SNTG1: variants seen among roughly 807,000 people sequenced by gnomAD.
SNTG1 encodes gamma-1-syntrophin.
A neutral mutation model predicts 74.7 loss-of-function variants in SNTG1; 39 were observed. The observed-to-expected ratio is 0.52, with a 90% confidence interval of 0.40 to 0.68. SNTG1 has a LOEUF of 0.68. Among genes scored for constraint, SNTG1 ranks in the 30% least tolerant of loss-of-function variants. The pLI, the probability that SNTG1 is intolerant of heterozygous loss-of-function variation, is 0.00. For missense variants in SNTG1, 685 were observed against 609.5 expected, an observed-to-expected ratio of 1.12 and a Z score of -1.30; for synonymous variants, 254 against 217.1, an observed-to-expected ratio of 1.17 and a Z score of -1.49.
chr8:50,726,874 A>AAAAT lies in SNTG1; in HGVS notation c.1284+17912_1284+17915dup, dbSNP rs546885118. Among the ~76,000 whole-genome samples, 164 of 152,176 alleles carry AAAAT rather than the reference A, an allele frequency of 1.1e-3. 1 individual carries two copies. The highest frequency in any genetic ancestry group is 6.8e-3 in the Middle Eastern group (2 of 292). On this transcript the variant is annotated intron_variant, in intron 17 of 18. Coordinates refer to ENST00000642720, the MANE Select transcript of SNTG1 (RefSeq NM_018967.5). ...AAAAAACAATAAAATAAAGTAAAATAAAATAAATAAATAAATAAAATTGAG... is the reference window on the plus strand; with the variant it reads ...AAAAAACAATAAAATAAAGTAAAATAAAATAAATAAATAAATAAATAAAATTGAG...
intron 1 of SNTG1, among the ~76,000 whole-genome samples, chr8:50,001,650 G>C (rs1043138477): frequency 6.6e-6 from 1 of 152,130 alleles, no homozygotes; most frequent in Non-Finnish European, 1.5e-5. Context: ...AAAGCATTAA[G>C]TTATCTTGCA....
chr8:50,374,714 A>G (rs1208554665), intron 2 of SNTG1, among the ~76,000 whole-genome samples: 6 of 152,206 alleles, frequency 3.9e-5, no homozygotes, highest in Non-Finnish European at 5.9e-5. Flanking sequence ...GCCCAAATCA[A>G]TGTGAACTGC....
intron 17 of SNTG1, among the ~76,000 whole-genome samples, chr8:50,727,478 G>A (rs754280970): frequency 2.0e-5 from 3 of 152,170 alleles, no homozygotes; most frequent in Non-Finnish European, 4.4e-5. Context: ...ATCCACTGCA[G>A]TGCACATCTC....
chr8:50,481,765 G>A (rs973237755), intron 8 of SNTG1, among the ~76,000 whole-genome samples: 1 of 152,188 alleles, frequency 6.6e-6, no homozygotes, highest in African/African-American at 2.4e-5. Flanking sequence ...GATGATTGGT[G>A]TGAAAAATAT....
At chr8:50,138,063 G>A (rs2081533185) in intron 1 of SNTG1, among the ~76,000 whole-genome samples, 1 of 152,048 alleles carries the variant, frequency 6.6e-6, no homozygotes, top group South Asian at 2.1e-4. Context: ...CTAAAGCTAA[G>A]AAACCTATCT....
At chr8:50,637,568 C>T (rs1371285360) in intron 13 of SNTG1, among the ~76,000 whole-genome samples, 1 of 152,054 alleles carries the variant, frequency 6.6e-6, no homozygotes, top group Non-Finnish European at 1.5e-5. Context: ...AAATCTTCTT[C>T]CACTACAGTA....
At chr8:50,733,811 T>G (rs371840022) in intron 17 of SNTG1, among the ~76,000 whole-genome samples, 1 of 151,814 alleles carries the variant, frequency 6.6e-6, no homozygotes, top group Admixed American at 6.6e-5. Flanking sequence ...AGAGTTTTTC[T>G]TACATTTTAT....
intron 1 of SNTG1, among the ~76,000 whole-genome samples, chr8:50,033,067 A>G (rs1817864939): frequency 6.6e-6 from 1 of 151,802 alleles, no homozygotes; most frequent in African/African-American, 2.4e-5. Context: ...TATAGATAAT[A>G]CTGCTTTGAA....
chr8:50,130,730 T>G (rs1307095756), intron 1 of SNTG1, among the ~76,000 whole-genome samples: 5 of 152,112 alleles, frequency 3.3e-5, no homozygotes, highest in Non-Finnish European at 7.4e-5. Context: ...AAGGGAAGTC[T>G]GAGAATCAAA....
intron 15 of SNTG1, among the ~76,000 whole-genome samples, chr8:50,681,125 A>G (rs767399430): frequency 6.6e-6 from 1 of 152,202 alleles, no homozygotes; most frequent in Non-Finnish European, 1.5e-5. Context: ...TAAATTATAG[A>G]CATTAAAATT....
rs182887268 is a variant in SNTG1 at position 50,202,374 on chromosome 8, C to T, written c.-28+29739C>T. On this transcript the variant is annotated intron_variant, in intron 2 of 18. Transcript: ENST00000642720. ...TGTCCTCCCCTCCTTCCCCTGATCT[C>T]TCTTGGAATTACTGCTCTTTGTATC... 1.8e-3 allele frequency among the ~76,000 whole-genome samples: 269 copies of T among 152,198 alleles called. 2 individuals are homozygous for T. The highest frequency in any genetic ancestry group is 6.1e-3 in the African/African-American group (253 of 41,542).
At chr8:50,534,995 A>C (rs2094297288) in intron 10 of SNTG1, among the ~76,000 whole-genome samples, 1 of 152,084 alleles carries the variant, frequency 6.6e-6, no homozygotes, top group Admixed American at 6.6e-5. Flanking sequence ...GCTTATTATT[A>C]TTTCTCGAGA....
intron 1 of SNTG1, among the ~76,000 whole-genome samples, chr8:49,916,812 C>T (rs912822190): frequency 2.0e-5 from 3 of 151,576 alleles, no homozygotes; most frequent in Non-Finnish European, 2.9e-5. Context: ...TCAAGACCAG[C>T]CTGGGCACCA....
chr8:50,209,181 C>G (rs1369742268), intron 2 of SNTG1, among the ~76,000 whole-genome samples: 1 of 152,078 alleles, frequency 6.6e-6, no homozygotes, highest in East Asian at 1.9e-4. Context: ...GGGAGGGGTG[C>G]CCGCCATTGC....
intron 1 of SNTG1, among the ~76,000 whole-genome samples, chr8:50,036,031 T>C (rs1320367836): frequency 3.3e-5 from 5 of 152,182 alleles, no homozygotes; most frequent in Non-Finnish European, 4.4e-5. Context: ...AAAATTGGTC[T>C]CTTTATGCAT....
At position 50,270,306 on chromosome 8, in the gene SNTG1, A is replaced by G. The variant is rs114947150; in HGVS notation, c.-28+97671A>G. Among the ~76,000 whole-genome samples, 196 of 152,328 alleles carry G rather than the reference A, an allele frequency of 1.3e-3. 1 individual carries two copies. Among genetic ancestry groups the G allele is most frequent in the African/African-American group, 4.4e-3 (184 of 41,590 alleles). On this transcript the variant is annotated intron_variant, in intron 2 of 18. Coordinates refer to ENST00000642720, the MANE Select transcript of SNTG1 (RefSeq NM_018967.5). ...ACACAGAGATGAAACAGGCTATCCA[A>G]TGAAAATGTGTATGTGAAAACTTTC...
chr8:50,733,991 A>G (rs569200679), intron 17 of SNTG1, among the ~76,000 whole-genome samples: 1 of 151,964 alleles, frequency 6.6e-6, no homozygotes, highest in South Asian at 2.1e-4. Flanking sequence ...TAATTTTTCT[A>G]TAACTTAGAT....
At chr8:50,153,409 A>G (rs994151402) in intron 1 of SNTG1, among the ~76,000 whole-genome samples, 7 of 152,204 alleles carry the variant, frequency 4.6e-5, no homozygotes, top group African/African-American at 1.4e-4. Context: ...ACTCGTCAGC[A>G]TCATTCTCTC....
At chr8:50,546,162 A>G (rs1174652143) in intron 11 of SNTG1, among the ~76,000 whole-genome samples, 2 of 152,146 alleles carry the variant, frequency 1.3e-5, no homozygotes, top group Non-Finnish European at 2.9e-5. Flanking sequence ...GAAAATAAAT[A>G]CTGAAAGAAC....
Sources: gnomAD v4.1 joint callset for allele counts (sites outside exome capture counted in the v4.1 genomes callset) on GRCh38, gnomAD v4.1.1 for gene constraint, MANE v1.5 for transcripts, NCBI Gene and HGNC (gene_info 2026-07-23, HGNC 2026-07-21) for gene names.